The following NRXN1 variants were observed in gnomAD, a reference collection of about 807,000 sequenced individuals.
NRXN1 encodes neurexin 1, also known as neurexin-1.
Under a neutral mutation model 150.9 loss-of-function variants are expected in NRXN1, and 39 were observed. The observed-to-expected ratio is 0.26, with a 90% confidence interval of 0.20 to 0.34. The LOEUF (loss-of-function observed/expected upper bound fraction) is 0.34. Among genes scored for constraint, NRXN1 ranks in the 10% least tolerant of loss-of-function variants. The pLI is 1.00. For missense variants in NRXN1, 1,815 were observed against 1,949.9 expected (o/e 0.93, Z 1.30); for synonymous variants, 924 against 757.0 (o/e 1.22, Z -3.62).
At chr2:50,664,463 A>G in intron 5 of NRXN1, among the ~76,000 whole-genome samples, 1 of 148,892 alleles carries the variant, frequency 6.7e-6, no homozygotes, top group East Asian at 2.0e-4. Flanking sequence ...GGGTGGGTAG[A>G]AGGATAGGCA....
intron 5 of NRXN1, among the ~76,000 whole-genome samples, chr2:50,876,084 T>C (rs1678550211): frequency 6.6e-6 from 1 of 151,798 alleles, no homozygotes; most frequent in South Asian, 2.1e-4. Flanking sequence ...CTAACTACTC[T>C]TTTTCCAGCC....
intron 17 of NRXN1, among the ~76,000 whole-genome samples, chr2:50,406,623 T>G (rs2082767430): frequency 6.6e-6 from 1 of 152,196 alleles, no homozygotes; most frequent in African/African-American, 2.4e-5. Context: ...GAAGTTATAT[T>G]CATTATAAAT....
At chr2:50,297,342 C>A (rs1487899267) in intron 17 of NRXN1, among the ~76,000 whole-genome samples, 1 of 152,148 alleles carries the variant, frequency 6.6e-6, no homozygotes, top group African/African-American at 2.4e-5. Flanking sequence ...GCTATGAATA[C>A]AAATAAGAAG....
intron 17 of NRXN1, among the ~76,000 whole-genome samples, chr2:50,423,589 A>T (rs1371999011): frequency 6.6e-6 from 1 of 152,152 alleles, no homozygotes; most frequent in Non-Finnish European, 1.5e-5. Context: ...TTTTTTCATA[A>T]TTAATTAATA....
chr2:50,803,251 T>C (rs1012176247), intron 5 of NRXN1, among the ~76,000 whole-genome samples: 1 of 152,170 alleles, frequency 6.6e-6, no homozygotes, highest in East Asian at 1.9e-4. Context: ...AAAAATACAC[T>C]TAATGAAGAA....
At chr2:50,746,595 C>CAAA (rs1159295089) in intron 5 of NRXN1, among the ~76,000 whole-genome samples, 10 of 142,106 alleles carry the variant, frequency 7.0e-5, no homozygotes, top group African/African-American at 2.3e-4. Flanking sequence ...ACAACAACAA[C>CAAA]AAAAATGTGG....
At chr2:49,939,670 A>G (rs894241052) in intron 22 of NRXN1, among the ~76,000 whole-genome samples, 5 of 152,196 alleles carry the variant, frequency 3.3e-5, no homozygotes, top group Non-Finnish European at 7.3e-5. Context: ...GAAAAGTAAC[A>G]GCATTATGTA....
chr2:50,945,897 TATACACACACAC>T (rs1322112704), intron 2 of NRXN1, among the ~76,000 whole-genome samples: 7 of 143,918 alleles, frequency 4.9e-5, no homozygotes, highest in South Asian at 4.4e-4. Flanking sequence ...TATATATATA[TATACACACACAC>T]ACACACACAC....
intron 5 of NRXN1, among the ~76,000 whole-genome samples, chr2:50,921,224 T>A (rs944248446): frequency 6.6e-5 from 10 of 151,802 alleles, no homozygotes; most frequent in Non-Finnish European, 1.3e-4. Flanking sequence ...TACACATGCT[T>A]CTGGATTTCG....
At chr2:49,935,277 T>A (rs544624194) in intron 22 of NRXN1, among the ~76,000 whole-genome samples, 92 of 152,292 alleles carry the variant, frequency 6.0e-4, no homozygotes, top group Admixed American at 4.7e-3. Flanking sequence ...GGTGGCCAAA[T>A]TGAGATTTGA....
chr2:50,401,039 T>C (rs1315102986), intron 17 of NRXN1, among the ~76,000 whole-genome samples: 1 of 152,138 alleles, frequency 6.6e-6, no homozygotes, highest in Non-Finnish European at 1.5e-5. Context: ...GGACCTTTTC[T>C]GATACTCAGA....
At chr2:49,999,128 T>C (rs906293150) in intron 21 of NRXN1, among the ~76,000 whole-genome samples, 27 of 152,196 alleles carry the variant, frequency 1.8e-4, no homozygotes, top group Non-Finnish European at 2.4e-4. Flanking sequence ...GTGATGCCTT[T>C]GCTGCTGGTC....
intron 18 of NRXN1, among the ~76,000 whole-genome samples, chr2:50,104,936 CA>C (rs1303199794): frequency 6.6e-6 from 1 of 152,032 alleles, no homozygotes; most frequent in African/African-American, 2.4e-5. Context: ...CTTTAATTCT[CA>C]CAATAACTCA....
chr2:50,527,765 T>C (rs948124405), intron 12 of NRXN1, among the ~76,000 whole-genome samples: 1 of 152,132 alleles, frequency 6.6e-6, no homozygotes, highest in Non-Finnish European at 1.5e-5. Context: ...ACATTCAGCA[T>C]TGTTTTGAGA....
intron 5 of NRXN1, among the ~76,000 whole-genome samples, chr2:50,678,182 G>A (rs1689817482): frequency 6.6e-6 from 1 of 152,052 alleles, no homozygotes; most frequent in South Asian, 2.1e-4. Context: ...ACTAAGCACT[G>A]CATCTGGTGT....
chr2:50,735,900 T>C (rs1574290258), intron 5 of NRXN1, among the ~76,000 whole-genome samples: 1 of 152,212 alleles, frequency 6.6e-6, no homozygotes. Flanking sequence ...CAAGACATTA[T>C]GATAGCAACT....
chr2:50,029,668 C>T (rs1259695441), intron 21 of NRXN1, among the ~76,000 whole-genome samples: 1 of 152,110 alleles, frequency 6.6e-6, no homozygotes, highest in Non-Finnish European at 1.5e-5. Context: ...TGATCTTGGA[C>T]TTCTTAGCCT....
chr2:51,010,664 C>T (rs548908213), intron 2 of NRXN1, among the ~76,000 whole-genome samples: 42 of 152,178 alleles, frequency 2.8e-4, no homozygotes, highest in South Asian at 1.2e-3. Flanking sequence ...TTTACATTTT[C>T]ATAGTTACTG....
chr2:49,959,166 C>T (rs1430831950), intron 21 of NRXN1, among the ~76,000 whole-genome samples: 1 of 152,134 alleles, frequency 6.6e-6, no homozygotes, highest in African/African-American at 2.4e-5. Context: ...CAAGATTCCA[C>T]ATTTCTAAAT....
Sources: gnomAD v4.1 joint callset for allele counts (sites outside exome capture counted in the v4.1 genomes callset) on GRCh38, gnomAD v4.1.1 for gene constraint, MANE v1.5 for transcripts, NCBI Gene and HGNC (gene_info 2026-07-23, HGNC 2026-07-21) for gene names.